Variants in TMEM215 observed in about 807,000 individuals in gnomAD.
TMEM215 encodes the protein transmembrane protein 215.
TMEM215 carries 12 observed loss-of-function variants against 14.7 expected under a neutral mutation model. That is an observed-to-expected ratio of 0.82 (90% CI 0.52 to 1.33). TMEM215 has a LOEUF of 1.33. TMEM215 is among the 40% of genes most tolerant of loss of function. TMEM215 has a pLI of 0.00. For synonymous variants in TMEM215, 122 were observed against 124.8 expected (o/e 0.98, Z 0.15); for missense variants, 276 against 296.2 (o/e 0.93, Z 0.50).
rs1045058384 is a variant in TMEM215, at chr9:32,784,824, C to T, written c.641C>T (p.Pro214Leu). Residue 214 changes from proline (P) to leucine (L), a missense_variant, in exon 2 of 2, where the codon CCG becomes CTG. Pro to Leu is a moderately conservative substitution (Grantham distance 98). Transcript: ENST00000342743. ...IIVCSYKQNS[P>L]YDRYCCYINQ... Reference sequence around the variant, plus strand: ...GTTTGCTCCTACAAGCAGAACAGCCCGTATGACAGATACTGTTGTTATATC... The same window carrying T: ...GTTTGCTCCTACAAGCAGAACAGCCTGTATGACAGATACTGTTGTTATATC... 5.0e-6 allele frequency: 8 copies of T among 1,613,268 alleles called. No homozygotes were observed. The highest frequency in any genetic ancestry group is 2.7e-5 in the African/African-American group (2 of 74,894).
In TMEM215 at chr9:32,784,885, C is replaced by T. The variant is rs1477195881; in HGVS notation, c.702C>T (p.Ile234=). 1.2e-6 allele frequency: 2 copies of T among 1,609,956 alleles called. No homozygotes were observed. Among genetic ancestry groups the T allele is most frequent in the Admixed American group, 1.7e-5 (1 of 59,882 alleles). Residue 234 remains isoleucine, a synonymous_variant, in exon 2 of 2, where the codon ATC becomes ATT. Coordinates refer to ENST00000342743, the MANE Select transcript of TMEM215 (RefSeq NM_212558.3). The stretch of plus-strand genomic sequence containing the variant: ...AAGGCAGGTGGGACCACGAGACCAT[C>T]GTCTAATCTCTGCCTACAAAGGTGG... ...QIQGRWDHET[I]V
At position 32,784,150 on chromosome 9, in the gene TMEM215, C is replaced by G; in HGVS notation, c.-34C>G. ...GAATAGAGGAACGCTGCTCCCTGGT[C>G]AGCAAGCAGCCCCCAACCTGGATGG... is the stretch of plus-strand genomic sequence containing the variant. On this transcript the variant is annotated 5_prime_UTR_variant, in exon 2 of 2. Transcript: ENST00000342743. 1 of 1,578,194 alleles carries G rather than the reference C, an allele frequency of 6.3e-7. No homozygotes were observed. Among genetic ancestry groups the G allele is most frequent in the Non-Finnish European group, 8.6e-7 (1 of 1,160,180 alleles).
intron 1 of TMEM215, 37 bp from the exon 2 acceptor site, chr9:32,784,089 A>AT (rs771117492): frequency 1.0e-3 from 1,232 of 1,221,172 alleles, no homozygotes; most frequent in Middle Eastern, 1.7e-3. Context: ...CTTGACTTGG[A>AT]TTTTTTTTTA....
chr9:32,787,857 T>C lies in TMEM215; in HGVS notation c.*2966T>C, dbSNP rs1824525316. Among the ~76,000 whole-genome samples the C allele has an allele frequency of 6.6e-6, 1 of 152,182 alleles. No homozygotes were observed. Among genetic ancestry groups the C allele is most frequent in the Non-Finnish European group, 1.5e-5 (1 of 67,978 alleles). ...ATAGGCATTTTATTTTCAAAATTTT[T>C]CTACTGAATTTCTCTTGCTCTGTAT... On this transcript the variant is annotated 3_prime_UTR_variant, in exon 2 of 2. Coordinates refer to ENST00000342743, the MANE Select transcript of TMEM215 (RefSeq NM_212558.3).
rs767708130 is a variant in TMEM215, at chr9:32,784,307, C to A, written c.124C>A (p.Leu42Ile). The A allele has an allele frequency of 3.7e-6, 6 of 1,614,208 alleles. No homozygotes were observed. Among genetic ancestry groups the A allele is most frequent in the East Asian group, 4.5e-5 (2 of 44,878 alleles). ...AGGGGAGACTTTGGGAAACATCCCC[C>A]TCCTGGCCATCGGGCCAGCCATCTG... The part of the protein sequence containing the change: ...MKGETLGNIP[L>I]LAIGPAICLP... Residue 42 changes from leucine to isoleucine, a missense_variant, in exon 2 of 2, where the codon CTC (leucine) becomes ATC (isoleucine). Physicochemically the swap from Leu to Ile is conservative, Grantham distance 5. Coordinates refer to ENST00000342743, the MANE Select transcript of TMEM215 (RefSeq NM_212558.3).
chr9:32,784,123 C>A lies in TMEM215; in HGVS notation c.-58-3C>A. ...TAACGCACTGTGGTTTCATCTCTGA[C>A]AGAATAGAGGAACGCTGCTCCCTGG... On this transcript the variant is annotated splice_region_variant and splice_polypyrimidine_tract_variant and intron_variant, in intron 1 of 1. Transcript: ENST00000342743. 6.7e-7 allele frequency: 1 copy of A among 1,499,586 alleles called. No homozygotes were observed. Among genetic ancestry groups the A allele is most frequent in the South Asian group, 1.3e-5 (1 of 77,172 alleles). The allele number at this position is 1,499,586 out of a possible 1,614,324, so 92.9% of individuals were successfully genotyped here.
rs1229828707 is a variant in TMEM215 at position 32,788,421 on chromosome 9, A to C, written c.*3530A>C. On this transcript the variant is annotated 3_prime_UTR_variant, in exon 2 of 2. Transcript: ENST00000342743. ...TGTGTTTTTCTTTTCTCTTTGAATT[A>C]TATTCCATGCATGTTTCCATGTTTC... Among the ~76,000 whole-genome samples the C allele has an allele frequency of 6.6e-6, 1 of 152,228 alleles. No individual in the cohort carries two copies. Among genetic ancestry groups the C allele is most frequent in the East Asian group, 1.9e-4 (1 of 5,204 alleles).
In TMEM215 at chr9:32,785,167, T is replaced by C. The variant is rs1824493158; in HGVS notation, c.*276T>C. ...TAACAATTTACACAATGTTAAATGT[T>C]TTGTAAAATAACCCAAAAAGTGCTA... On this transcript the variant is annotated 3_prime_UTR_variant, in exon 2 of 2. Transcript: ENST00000342743. The C allele has an allele frequency of 7.8e-6, 3 of 385,314 alleles. No homozygotes were observed. Among genetic ancestry groups the C allele is most frequent in the Non-Finnish European group, 1.5e-5 (3 of 205,562 alleles). 23.9% of individuals were successfully genotyped at this position (385,314 alleles called of 1,614,324 possible).
rs189175501 is a variant in TMEM215 at position 32,785,956 on chromosome 9, C to T, written c.*1065C>T. ...ACTGTAAATGCCAGTGAAACAAGAACTCATCTACTAAATTTAACTGAAGCC... is the reference window on the plus strand; with the variant it reads ...ACTGTAAATGCCAGTGAAACAAGAATTCATCTACTAAATTTAACTGAAGCC... On this transcript the variant is annotated 3_prime_UTR_variant, in exon 2 of 2. Transcript: ENST00000342743. 1.2e-5 allele frequency: 2 copies of T among 167,082 alleles called. No individual in the cohort carries two copies. The highest frequency in any genetic ancestry group is 1.3e-4 in the Admixed American group (2 of 15,300). 10.3% of individuals were successfully genotyped at this position (167,082 alleles called of 1,614,324 possible).
rs1389861352 is a variant in TMEM215 at position 32,788,843 on chromosome 9, A to G, written c.*3952A>G. Reference sequence around the variant, plus strand: ...AGTAAGATGGAACATTTCCCCAGCTAAGATACCAGTGGTGTGTTTCTCACA... The same window carrying G: ...AGTAAGATGGAACATTTCCCCAGCTGAGATACCAGTGGTGTGTTTCTCACA... On this transcript the variant is annotated 3_prime_UTR_variant, in exon 2 of 2. Transcript: ENST00000342743. Among the ~76,000 whole-genome samples the G allele has an allele frequency of 6.6e-6, 1 of 152,214 alleles. No individual in the cohort carries two copies. The highest frequency in any genetic ancestry group is 1.5e-5 in the Non-Finnish European group (1 of 68,034).
Position 32,784,701 on chromosome 9 carries a change from C to A in TMEM215, c.518C>A (p.Thr173Asn), listed in dbSNP as rs1284147935. The A allele has an allele frequency of 1.2e-6, 2 of 1,614,142 alleles. No homozygotes were observed. Among genetic ancestry groups the A allele is most frequent in the Non-Finnish European group, 1.7e-6 (2 of 1,180,036 alleles). ...TACTGCCCCTCGGGCAGTTCCCTCACCTACAGTGCCTTGGACGTCAAGTGC... is the reference window on the plus strand; with the variant it reads ...TACTGCCCCTCGGGCAGTTCCCTCAACTACAGTGCCTTGGACGTCAAGTGC... ...DGYCPSGSSL[T>N]YSALDVKCSA... The change falls in exon 2 of 2, where the codon ACC (threonine) becomes AAC (asparagine). Residue 173 changes from threonine to asparagine, a missense_variant. Thr to Asn is a moderately conservative substitution (Grantham distance 65). Transcript: ENST00000342743.
rs1020365954 is a variant in TMEM215, at chr9:32,787,655, G to GA, written c.*2768dup. ...AAAAAAGTGTCTCAGCCCTTTAGAG[G>GA]AAAAGAGAGCAACTCATTCTGATGA... is the stretch of plus-strand genomic sequence containing the variant. On this transcript the variant is annotated 3_prime_UTR_variant, in exon 2 of 2. Coordinates refer to ENST00000342743, the MANE Select transcript of TMEM215 (RefSeq NM_212558.3). Among the ~76,000 whole-genome samples, 4 of 152,020 alleles carry GA rather than the reference G, an allele frequency of 2.6e-5. No homozygotes were observed. The highest frequency in any genetic ancestry group is 9.7e-5 in the African/African-American group (4 of 41,408).
Position 32,788,569 on chromosome 9 carries a change from G to GT in TMEM215, c.*3685dup, listed in dbSNP as rs1824532305. Among the ~76,000 whole-genome samples the GT allele has an allele frequency of 6.6e-6, 1 of 152,074 alleles. No individual in the cohort carries two copies. The highest frequency in any genetic ancestry group is 2.4e-5 in the African/African-American group (1 of 41,406). On this transcript the variant is annotated 3_prime_UTR_variant, in exon 2 of 2. Coordinates refer to ENST00000342743, the MANE Select transcript of TMEM215 (RefSeq NM_212558.3). Reference sequence around the variant, plus strand: ...CTAAGTTTTATGGATGATTTTGTATGTTTTTTTCCTATTGCTGGTTACACT... The same window carrying GT: ...CTAAGTTTTATGGATGATTTTGTATGTTTTTTTTCCTATTGCTGGTTACACT...
chr9:32,784,580 A>G lies in TMEM215; in HGVS notation c.397A>G (p.Ser133Gly), dbSNP rs1291241743. Reference sequence around the variant, plus strand: ...AAGCCAGGGTGAGGTGTCCGTGGCCAGCTCCATCAACAGCCCCACACCCAC... The same window carrying G: ...AAGCCAGGGTGAGGTGTCCGTGGCCGGCTCCATCAACAGCCCCACACCCAC... ...PQSQGEVSVASSINSPTPTEE... is the reference protein window; with the variant it reads ...PQSQGEVSVAGSINSPTPTEE... The change falls in exon 2 of 2, where the codon AGC (serine) becomes GGC (glycine). Residue 133 changes from serine to glycine, a missense_variant. Physicochemically the swap from Ser to Gly is moderately conservative, Grantham distance 56. Transcript: ENST00000342743. 6.2e-7 allele frequency: 1 copy of G among 1,613,686 alleles called. No homozygotes were observed.
At position 32,786,338 on chromosome 9, in the gene TMEM215, A is replaced by G. The variant is rs1824506315; in HGVS notation, c.*1447A>G. 6.0e-6 allele frequency: 1 copy of G among 167,030 alleles called. No individual in the cohort carries two copies. Among genetic ancestry groups the G allele is most frequent in the African/African-American group, 2.4e-5 (1 of 41,464 alleles). The allele number at this position is 167,030 out of a possible 1,614,324, so 10.3% of individuals were successfully genotyped here. On this transcript the variant is annotated 3_prime_UTR_variant, in exon 2 of 2. Transcript: ENST00000342743. ...GGGCATATATGTTTTGTGTATTTCA[A>G]TTCCAACTCTGCAATTCTTTCTTAA...
chr9:32,784,893 C>A lies in TMEM215; in HGVS notation c.*2C>A. 1 of 1,607,868 alleles carries A rather than the reference C, an allele frequency of 6.2e-7. No individual in the cohort carries two copies. The highest frequency in any genetic ancestry group is 8.5e-7 in the Non-Finnish European group (1 of 1,176,408). On this transcript the variant is annotated 3_prime_UTR_variant, in exon 2 of 2. Transcript: ENST00000342743. ...TGGGACCACGAGACCATCGTCTAAT[C>A]TCTGCCTACAAAGGTGGCTGGATTG...
intron 1 of TMEM215, 35 bp from the exon 2 acceptor site, chr9:32,784,091 T>A: frequency 1.6e-6 from 2 of 1,275,396 alleles, no homozygotes; most frequent in Non-Finnish European, 2.2e-6. Context: ...TGACTTGGAT[T>A]TTTTTTTAAC....
chr9:32,787,994 A>G lies in TMEM215; in HGVS notation c.*3103A>G, dbSNP rs190846328. 1.3e-3 allele frequency among the ~76,000 whole-genome samples: 205 copies of G among 152,200 alleles called. No individual in the cohort carries two copies. Among genetic ancestry groups the G allele is most frequent in the Non-Finnish European group, 2.1e-3 (146 of 67,956 alleles). On this transcript the variant is annotated 3_prime_UTR_variant, in exon 2 of 2. Transcript: ENST00000342743. ...ATATTAGACATCTGTTTTAAGATTTATTTTCTGTTGCAGTCATCTTGGCAA... is the reference window on the plus strand; with the variant it reads ...ATATTAGACATCTGTTTTAAGATTTGTTTTCTGTTGCAGTCATCTTGGCAA...
In TMEM215 at chr9:32,784,086, TG is replaced by T; in HGVS notation, c.-58-38del. The T allele has an allele frequency of 3.3e-6, 4 of 1,211,828 alleles. No homozygotes were observed. The East Asian group carries it at 9.4e-5, about 29-fold the overall frequency. 75.1% of individuals were successfully genotyped at this position (1,211,828 alleles called of 1,614,324 possible). ...AGAGTTGATGGGTGGGAGCTTGACTTGGATTTTTTTTTAACGCACTGTGGTT... is the reference window on the plus strand; with the variant it reads ...AGAGTTGATGGGTGGGAGCTTGACTTGATTTTTTTTTAACGCACTGTGGTT... On this transcript the variant is annotated intron_variant, in intron 1 of 1. Coordinates refer to ENST00000342743, the MANE Select transcript of TMEM215 (RefSeq NM_212558.3).
Sources: allele counts gnomAD v4.1 joint callset (sites outside exome capture counted in the v4.1 genomes callset), GRCh38; gene constraint gnomAD v4.1.1; transcripts MANE v1.5; gene names NCBI Gene and HGNC (gene_info 2026-07-23, HGNC 2026-07-21).